The following RAD51B variants were observed in gnomAD, a reference collection of about 807,000 sequenced individuals.
RAD51B encodes DNA repair protein RAD51 homolog 2.
Under a neutral mutation model 42.2 loss-of-function variants are expected in RAD51B, and 38 were observed. The ratio of observed to expected loss-of-function variants is 0.90; its 90% CI spans 0.70 to 1.18. The LOEUF (loss-of-function observed/expected upper bound fraction) is 1.18. Ranked by LOEUF, RAD51B falls within the 50% of genes most tolerant of loss-of-function variation. The pLI is 0.00. For missense variants in RAD51B, 373 were observed against 400.7 expected (o/e 0.93, Z 0.59); for synonymous variants, 154 against 145.2 (o/e 1.06, Z -0.43).
intron 10 of RAD51B, chr14:68,650,668 C>G (rs1465048217): frequency 3.2e-6 from 2 of 629,920 alleles, no homozygotes; most frequent in Non-Finnish European, 5.7e-6. Flanking sequence ...TTCAAAACAA[C>G]TAGTTTCTCA....
At chr14:67,940,629 C>T (rs2045167643) in intron 7 of RAD51B, among the ~76,000 whole-genome samples, 2 of 152,220 alleles carry the variant, frequency 1.3e-5, no homozygotes, top group South Asian at 2.1e-4. Flanking sequence ...TCTGTCTGGA[C>T]TGGTCAGTCA....
chr14:68,428,622 A>G (rs969798922), intron 9 of RAD51B, among the ~76,000 whole-genome samples: 2 of 149,824 alleles, frequency 1.3e-5, no homozygotes, highest in Admixed American at 1.3e-4. Context: ...GTGGACTCAT[A>G]TAATATTCGT....
chr14:68,503,409 A>G (rs549036344), intron 10 of RAD51B, among the ~76,000 whole-genome samples: 1 of 152,084 alleles, frequency 6.6e-6, no homozygotes, highest in African/African-American at 2.4e-5. Flanking sequence ...ACAGCTGAGG[A>G]GGAGGCATCT....
At position 68,250,064 on chromosome 14, in the gene RAD51B, C is replaced by A. The variant is rs541478213; in HGVS notation, c.757-41820C>A. On this transcript the variant is annotated intron_variant, in intron 7 of 10. Coordinates refer to ENST00000471583, the MANE Select transcript of RAD51B (RefSeq NM_133510.4). ...TTGTTTCCTCTAATAGCTGCTTTGG[C>A]GCTTTAGTGAATAAATGTGTTGCAC... is the stretch of plus-strand genomic sequence containing the variant. Among the ~76,000 whole-genome samples the A allele has an allele frequency of 2.7e-3, 414 of 152,278 alleles. 1 individual carries two copies. Among genetic ancestry groups the A allele is most frequent in the Non-Finnish European group, 4.4e-3 (296 of 68,016 alleles).
In RAD51B at chr14:68,136,816, C is replaced by T. The variant is rs1441681359; in HGVS notation, c.757-155068C>T. ...CCAAGGTCATACAGTTAATAAGTGG[C>T]AGAACCAGGGTTCAAAACCAGTCCA... On this transcript the variant is annotated intron_variant, in intron 7 of 10. Coordinates refer to ENST00000471583, the MANE Select transcript of RAD51B (RefSeq NM_133510.4). 1.9e-4 allele frequency among the ~76,000 whole-genome samples: 13 copies of T among 67,630 alleles called. 3 individuals are homozygous for T. The highest frequency in any genetic ancestry group is 4.1e-4 in the African/African-American group (13 of 32,052). 44.4% of individuals were successfully genotyped at this position (67,630 alleles called of 152,430 possible). A position where few individuals can be genotyped will look rare whatever the true frequency, so the allele number is the denominator to read the frequency against.
intron 3 of RAD51B, among the ~76,000 whole-genome samples, chr14:67,828,412 T>C (rs2040907717): frequency 6.6e-6 from 1 of 152,058 alleles, no homozygotes; most frequent in Non-Finnish European, 1.5e-5. Context: ...GTCGGATGGA[T>C]AGATTGAAAA....
At chr14:68,430,308 G>A (rs9743605) in intron 9 of RAD51B, among the ~76,000 whole-genome samples, 24,863 of 151,948 alleles carry the variant, frequency 0.16, 4,130 homozygotes, top group African/African-American at 0.43. Context: ...GCTTTATGGG[G>A]ATGGCATTGA....
chr14:68,383,076 A>G (rs1249991219), intron 8 of RAD51B, among the ~76,000 whole-genome samples: 1 of 152,250 alleles, frequency 6.6e-6, no homozygotes, highest in African/African-American at 2.4e-5. Flanking sequence ...ATTTCTACCC[A>G]TTAGAAGGAA....
At chr14:68,092,054 C>G (rs2077109731) in intron 7 of RAD51B, among the ~76,000 whole-genome samples, 2 of 150,700 alleles carry the variant, frequency 1.3e-5, no homozygotes, top group South Asian at 4.1e-4. Flanking sequence ...TTCCATCGGT[C>G]TATATCTCTG....
In RAD51B at chr14:68,634,607, A is replaced by T. The variant is rs149515059; in HGVS notation, c.1037-16174A>T. Among the ~76,000 whole-genome samples the T allele has an allele frequency of 1.3e-3, 195 of 151,520 alleles. 1 individual carries two copies. The highest frequency in any genetic ancestry group is 4.6e-3 in the African/African-American group (188 of 41,268). ...CCACAGTCCCTACAGAGCCACCGAAACCCTCCCACCCCTGCCTGGAAAATG... is the reference window on the plus strand; with the variant it reads ...CCACAGTCCCTACAGAGCCACCGAATCCCTCCCACCCCTGCCTGGAAAATG... On this transcript the variant is annotated intron_variant, in intron 10 of 11. Coordinates refer to the RAD51B transcript ENST00000488612.
chr14:68,375,345 A>C (rs924791457), intron 8 of RAD51B, among the ~76,000 whole-genome samples: 1 of 151,972 alleles, frequency 6.6e-6, no homozygotes, highest in Non-Finnish European at 1.5e-5. Context: ...ATTTTTCTTT[A>C]GAGATCCCAG....
intron 7 of RAD51B, among the ~76,000 whole-genome samples, chr14:68,005,901 G>A (rs907148971): frequency 5.3e-5 from 8 of 152,216 alleles, no homozygotes; most frequent in African/African-American, 1.9e-4. Context: ...CAAAGGGGAA[G>A]CAGGTGCATC....
chr14:68,040,862 G>A (rs1355259608), intron 7 of RAD51B, among the ~76,000 whole-genome samples: 1 of 152,180 alleles, frequency 6.6e-6, no homozygotes, highest in Non-Finnish European at 1.5e-5. Flanking sequence ...GATCCTCCAG[G>A]TGATTCTCAT....
intron 7 of RAD51B, among the ~76,000 whole-genome samples, chr14:68,186,292 C>A (rs1259002212): frequency 6.6e-6 from 1 of 152,152 alleles, no homozygotes; most frequent in African/African-American, 2.4e-5. Context: ...CCATTTTGTA[C>A]ATGGGCTTTG....
intron 10 of RAD51B, among the ~76,000 whole-genome samples, chr14:68,559,848 G>A (rs1051185252): frequency 5.9e-5 from 9 of 152,236 alleles, no homozygotes; most frequent in Non-Finnish European, 1.3e-4. Context: ...ACTCCAGCAT[G>A]TGGAATGGGC....
intron 7 of RAD51B, among the ~76,000 whole-genome samples, chr14:68,196,158 T>C (rs1258974418): frequency 6.7e-6 from 1 of 148,968 alleles, no homozygotes; most frequent in African/African-American, 2.5e-5. Flanking sequence ...GCCACTGCAC[T>C]CCAGCCTGGG....
intron 10 of RAD51B, among the ~76,000 whole-genome samples, chr14:68,509,923 G>T (rs1467689607): frequency 6.6e-6 from 1 of 152,216 alleles, no homozygotes; most frequent in Non-Finnish European, 1.5e-5. Flanking sequence ...CAAGCACTTG[G>T]GAAATTAATT....
intron 10 of RAD51B, among the ~76,000 whole-genome samples, chr14:68,498,670 C>A (rs568597648): frequency 1.3e-5 from 2 of 152,192 alleles, no homozygotes; most frequent in Non-Finnish European, 2.9e-5. Context: ...AAGGGCAAAG[C>A]AGGGCCACCA....
chr14:68,286,180 T>A (rs2081411929), intron 7 of RAD51B, among the ~76,000 whole-genome samples: 1 of 152,218 alleles, frequency 6.6e-6, no homozygotes, highest in Admixed American at 6.5e-5. Flanking sequence ...CTGTGTCCCA[T>A]GTTGCCTTAG....
Sources: gnomAD v4.1 joint callset for allele counts (sites outside exome capture counted in the v4.1 genomes callset) on GRCh38, gnomAD v4.1.1 for gene constraint, MANE v1.5 for transcripts, NCBI Gene and HGNC (gene_info 2026-07-23, HGNC 2026-07-21) for gene names.